The following DIP2C variants were observed in gnomAD, a reference collection of about 807,000 sequenced individuals.
DIP2C encodes the protein DIP2 acetate--CoA ligase C (putative), also known as disco-interacting protein 2 homolog C.
In DIP2C, 33 loss-of-function variants were observed where a neutral mutation model predicts 192.4. The ratio of observed to expected loss-of-function variants is 0.17; its 90% CI spans 0.13 to 0.23. DIP2C has a LOEUF of 0.23. DIP2C is among the 10% of genes least tolerant of loss of function. The pLI is 1.00. For missense variants in DIP2C, 1,537 were observed against 2,110.1 expected (o/e 0.73, Z 5.32); for synonymous variants, 979 against 864.1 (o/e 1.13, Z -2.33).
chr10:406,037 A>G (rs1227128029), intron 9 of DIP2C, among the ~76,000 whole-genome samples: 2 of 152,220 alleles, frequency 1.3e-5, no homozygotes, highest in African/African-American at 4.8e-5. Context: ...GCCTCTTTAC[A>G]TATTTCATCA....
intron 1 of DIP2C, among the ~76,000 whole-genome samples, chr10:580,901 C>A (rs1850603024): frequency 6.6e-6 from 1 of 152,238 alleles, no homozygotes; most frequent in East Asian, 1.9e-4. Flanking sequence ...CACGTCAGGA[C>A]TGACTCACGA....
chr10:309,447 A>T (rs1040024096), intron 32 of DIP2C, among the ~76,000 whole-genome samples: 1 of 152,152 alleles, frequency 6.6e-6, no homozygotes, highest in Non-Finnish European at 1.5e-5. Flanking sequence ...AATGGTGCAT[A>T]AAATAGGAAG....
intron 32 of DIP2C, among the ~76,000 whole-genome samples, chr10:295,860 T>C (rs1217065310): frequency 1.3e-5 from 2 of 152,082 alleles, no homozygotes; most frequent in Non-Finnish European, 2.9e-5. Context: ...AATACAAAAA[T>C]TAGCTAGACG....
At chr10:367,783 G>T (rs933186153) in intron 18 of DIP2C, among the ~76,000 whole-genome samples, 2 of 152,230 alleles carry the variant, frequency 1.3e-5, no homozygotes, top group African/African-American at 2.4e-5. Context: ...CGCTGACAAA[G>T]GACCCTCAGG....
At chr10:393,847 A>C (rs1283366771) in intron 10 of DIP2C, among the ~76,000 whole-genome samples, 6 of 148,174 alleles carry the variant, frequency 4.0e-5, no homozygotes, top group Non-Finnish European at 7.5e-5. Context: ...AAAACAACCC[A>C]CAAGGAGACA....
chr10:649,977 G>A, intron 1 of DIP2C: 1 of 623,266 alleles, frequency 1.6e-6, no homozygotes, highest in Non-Finnish European at 2.9e-6. Context: ...GGAAATGTAA[G>A]CAGTGTTTGC....
intron 1 of DIP2C, among the ~76,000 whole-genome samples, chr10:608,833 G>T (rs1357104380): frequency 6.7e-6 from 1 of 149,880 alleles, no homozygotes; most frequent in African/African-American, 2.5e-5. Flanking sequence ...CTTCTTAGAG[G>T]ATGAAGGATT....
chr10:491,750 A>T (rs189836601), intron 1 of DIP2C, among the ~76,000 whole-genome samples: 78 of 152,342 alleles, frequency 5.1e-4, no homozygotes, highest in Non-Finnish European at 7.6e-4. Context: ...GAAAATCTTT[A>T]AAAAAAGTTC....
intron 32 of DIP2C, among the ~76,000 whole-genome samples, chr10:306,727 C>T (rs1319367646): frequency 6.6e-6 from 1 of 152,208 alleles, no homozygotes; most frequent in African/African-American, 2.4e-5. Flanking sequence ...CAGCCCTGGG[C>T]CGGTGGATCA....
chr10:550,312 T>C (rs1011450683), intron 1 of DIP2C, among the ~76,000 whole-genome samples: 2 of 152,140 alleles, frequency 1.3e-5, no homozygotes, highest in African/African-American at 2.4e-5. Context: ...GCCCGGCCCA[T>C]GTAGCTATTT....
chr10:457,175 G>C (rs763783936), intron 3 of DIP2C, among the ~76,000 whole-genome samples: 3 of 152,092 alleles, frequency 2.0e-5, no homozygotes, highest in Non-Finnish European at 2.9e-5. Context: ...TGACTTCCAA[G>C]CTCCTTAGGT....
intron 32 of DIP2C, among the ~76,000 whole-genome samples, chr10:291,438 AC>A (rs768861970): frequency 6.6e-6 from 1 of 152,228 alleles, no homozygotes; most frequent in Non-Finnish European, 1.5e-5. Flanking sequence ...CTTCTTCTAC[AC>A]CAAGGGGAAC....
chr10:286,655 T>TA (rs954948304), intron 33 of DIP2C, among the ~76,000 whole-genome samples: 9 of 152,124 alleles, frequency 5.9e-5, no homozygotes, highest in African/African-American at 2.2e-4. Flanking sequence ...ATCATGAAAA[T>TA]AATGTTTGAA....
chr10:657,468 C>A (rs1253861172), intron 1 of DIP2C, among the ~76,000 whole-genome samples: 5 of 6,796 alleles, frequency 7.4e-4, no homozygotes, highest in Non-Finnish European at 8.9e-4. Flanking sequence ...TGGACCTGTC[C>A]CTGGACCTGC....
chr10:487,673 G>T (rs1313417011), intron 1 of DIP2C, among the ~76,000 whole-genome samples: 1 of 136,702 alleles, frequency 7.3e-6, no homozygotes, highest in African/African-American at 2.6e-5. Context: ...CGCCTCCTGG[G>T]TTCACACCAT....
chr10:284,814 A>G (rs1955013305), intron 34 of DIP2C, among the ~76,000 whole-genome samples: 2 of 152,236 alleles, frequency 1.3e-5, no homozygotes, highest in South Asian at 4.1e-4. Context: ...CATAATATGT[A>G]TATACATCAA....
At chr10:345,642 T>C (rs1958419046) in intron 26 of DIP2C, among the ~76,000 whole-genome samples, 1 of 105,756 alleles carries the variant, frequency 9.5e-6, no homozygotes, top group Admixed American at 9.5e-5. Context: ...CGCATAGTTC[T>C]CCCGGGAACC....
At chr10:303,548 A>C (rs1250956904) in intron 32 of DIP2C, among the ~76,000 whole-genome samples, 1 of 150,474 alleles carries the variant, frequency 6.6e-6, no homozygotes, top group Non-Finnish European at 1.5e-5. Context: ...TTTGAGACAG[A>C]GTTTTGCTCT....
intron 1 of DIP2C, among the ~76,000 whole-genome samples, chr10:514,421 C>T (rs556686453): frequency 3.9e-5 from 6 of 152,338 alleles, no homozygotes; most frequent in South Asian, 4.1e-4. Flanking sequence ...GTGCCGGGAA[C>T]AGTTCCAGGC....
Sources: allele counts gnomAD v4.1 joint callset (sites outside exome capture counted in the v4.1 genomes callset), GRCh38; gene constraint gnomAD v4.1.1; transcripts MANE v1.5; gene names NCBI Gene and HGNC (gene_info 2026-07-23, HGNC 2026-07-21).